ROR2: variants seen among roughly 807,000 people sequenced by gnomAD.
ROR2 encodes tyrosine-protein kinase transmembrane receptor ROR2.
ROR2 carries 33 observed loss-of-function variants against 74.9 expected under a neutral mutation model. The ratio of observed to expected loss-of-function variants is 0.44; its 90% confidence interval spans 0.33 to 0.59. The LOEUF (loss-of-function observed/expected upper bound fraction) is 0.59. Among genes scored for constraint, ROR2 ranks in the 20% least tolerant of loss-of-function variants. The pLI, the probability that ROR2 is intolerant of heterozygous loss-of-function variation, is 0.02. For synonymous variants in ROR2, 586 were observed against 558.7 expected (o/e 1.05, Z -0.69); for missense variants, 1,216 against 1,313.8 (o/e 0.93, Z 1.15).
intron 4 of ROR2, among the ~76,000 whole-genome samples, chr9:91,746,594 G>A (rs986360681): frequency 6.6e-6 from 1 of 152,114 alleles, no homozygotes; most frequent in South Asian, 2.1e-4. Flanking sequence ...TTGGCGAGAG[G>A]TGCCTTCAAA....
At chr9:91,780,070 TG>T (rs1354808312) in intron 1 of ROR2, among the ~76,000 whole-genome samples, 1 of 152,212 alleles carries the variant, frequency 6.6e-6, no homozygotes, top group Non-Finnish European at 1.5e-5. Flanking sequence ...CTGCAATAGC[TG>T]GAGGTGCAGA....
intron 1 of ROR2, among the ~76,000 whole-genome samples, chr9:91,902,147 T>C (rs1830692062): frequency 6.6e-6 from 1 of 151,898 alleles, no homozygotes; most frequent in African/African-American, 2.4e-5. Context: ...GCCTGATTCA[T>C]CTAAGTAGTC....
At chr9:91,910,695 A>T (rs1032142163) in intron 1 of ROR2, among the ~76,000 whole-genome samples, 3 of 151,760 alleles carry the variant, frequency 2.0e-5, no homozygotes, top group African/African-American at 4.8e-5. Context: ...ACAGTGTCTC[A>T]CTCTGTTGCC....
At chr9:91,852,062 G>C (rs1015335428) in intron 1 of ROR2, among the ~76,000 whole-genome samples, 10 of 151,256 alleles carry the variant, frequency 6.6e-5, no homozygotes, top group African/African-American at 2.4e-4. Flanking sequence ...GGAGTGTTGT[G>C]CCTTTCTCAC....
At chr9:91,882,783 G>A (rs921142941) in intron 1 of ROR2, among the ~76,000 whole-genome samples, 2 of 152,096 alleles carry the variant, frequency 1.3e-5, no homozygotes, top group Non-Finnish European at 2.9e-5. Flanking sequence ...ACACAGAGAG[G>A]TGCCCACGTG....
At chr9:91,741,980 C>T (rs1007275289) in intron 4 of ROR2, among the ~76,000 whole-genome samples, 1 of 152,102 alleles carries the variant, frequency 6.6e-6, no homozygotes, top group Admixed American at 6.6e-5. Context: ...CAAAGATAAC[C>T]TAGATGTAAG....
chr9:91,834,541 C>A (rs1828558063), intron 1 of ROR2, among the ~76,000 whole-genome samples: 1 of 152,140 alleles, frequency 6.6e-6, no homozygotes, highest in African/African-American at 2.4e-5. Flanking sequence ...CAAAATACCC[C>A]ACCAGTCCCG....
At chr9:91,871,029 A>G (rs922170385) in intron 1 of ROR2, among the ~76,000 whole-genome samples, 20 of 152,364 alleles carry the variant, frequency 1.3e-4, no homozygotes, top group Admixed American at 3.3e-4. Flanking sequence ...AATGCCTTCC[A>G]GGAAGAGGCA....
intron 1 of ROR2, among the ~76,000 whole-genome samples, chr9:91,854,817 T>C (rs1035351632): frequency 5.9e-5 from 9 of 152,246 alleles, no homozygotes; most frequent in African/African-American, 2.2e-4. Flanking sequence ...AGGTAAGGTT[T>C]GAATGGTAGA....
At chr9:91,891,730 C>T (rs1480859694) in intron 1 of ROR2, among the ~76,000 whole-genome samples, 5 of 152,144 alleles carry the variant, frequency 3.3e-5, no homozygotes, top group African/African-American at 9.7e-5. Flanking sequence ...CCCACATTCC[C>T]GGCCCTGGGC....
intron 1 of ROR2, among the ~76,000 whole-genome samples, chr9:91,816,308 T>C (rs1311855868): frequency 2.0e-5 from 3 of 152,060 alleles, no homozygotes; most frequent in Non-Finnish European, 2.9e-5. Flanking sequence ...TCACATCTCC[T>C]CCTTGCTGAA....
At chr9:91,834,205 C>T (rs560112487) in intron 1 of ROR2, among the ~76,000 whole-genome samples, 17 of 152,324 alleles carry the variant, frequency 1.1e-4, no homozygotes, top group African/African-American at 3.8e-4. Context: ...CTGTGGGCTA[C>T]GGGAGCCCAC....
chr9:91,933,852 G>GA (rs1261141862), intron 1 of ROR2, among the ~76,000 whole-genome samples: 4 of 152,204 alleles, frequency 2.6e-5, no homozygotes, highest in Non-Finnish European at 5.9e-5. Flanking sequence ...CGGGGACGGG[G>GA]AAATGGGGAG....
At chr9:91,760,035 C>G (rs1825865838) in intron 2 of ROR2, among the ~76,000 whole-genome samples, 1 of 152,236 alleles carries the variant, frequency 6.6e-6, no homozygotes, top group South Asian at 2.1e-4. Flanking sequence ...CCAAATTTTT[C>G]TCTAACCTCC....
chr9:91,828,607 G>A (rs1322288968), intron 1 of ROR2, among the ~76,000 whole-genome samples: 2 of 152,108 alleles, frequency 1.3e-5, no homozygotes, highest in Non-Finnish European at 2.9e-5. Context: ...CCAGGTACTC[G>A]GGAGGCTGAG....
At chr9:91,726,456 T>G in intron 8 of ROR2, 85 bp downstream of exon 8, 1 of 1,268,064 alleles carries the variant, frequency 7.9e-7, no homozygotes, top group South Asian at 1.2e-5. Flanking sequence ...ATCAAGTAAA[T>G]TAAGACATTT....
intron 1 of ROR2, among the ~76,000 whole-genome samples, chr9:91,813,536 G>C (rs1587743990): frequency 6.6e-6 from 1 of 152,152 alleles, no homozygotes; most frequent in East Asian, 1.9e-4. Flanking sequence ...AGTCAAGAAA[G>C]GGGCTTTGTG....
intron 2 of ROR2, among the ~76,000 whole-genome samples, chr9:91,768,521 C>G (rs7036174): frequency 2.6e-5 from 4 of 152,136 alleles, no homozygotes; most frequent in African/African-American, 4.8e-5. Context: ...CACTGCTGTC[C>G]GTGTGTGTCA....
At chr9:91,749,163 CACAAGGAAAAGA>C (rs1825528267) in intron 4 of ROR2, among the ~76,000 whole-genome samples, 2 of 152,304 alleles carry the variant, frequency 1.3e-5, no homozygotes, top group African/African-American at 4.8e-5. Context: ...ATATAAAATT[CACAAGGAAAAGA>C]ACAAGGCAAA....
Sources: gnomAD v4.1 joint callset for allele counts (sites outside exome capture counted in the v4.1 genomes callset) on GRCh38, gnomAD v4.1.1 for gene constraint, MANE v1.5 for transcripts, NCBI Gene and HGNC (gene_info 2026-07-23, HGNC 2026-07-21) for gene names.